NEMP2: variants seen among roughly 807,000 people sequenced by gnomAD.
The protein encoded by NEMP2 is nuclear envelope integral membrane protein 2.
NEMP2 carries 53 observed loss-of-function variants against 54.2 expected under a neutral mutation model. That is an observed-to-expected ratio of 0.98 (90% CI 0.78 to 1.23). The LOEUF is 1.23. NEMP2 is among the 50% of genes most tolerant of loss of function. The pLI is 0.00. For synonymous variants in NEMP2, 197 were observed against 190.3 expected (o/e 1.04, Z -0.29); for missense variants, 455 against 511.3 (o/e 0.89, Z 1.06).
At chr2:190,554,464 G>C in the NEMP2 span, among the ~76,000 whole-genome samples, 1 of 152,204 alleles carries the variant, frequency 6.6e-6, no homozygotes, top group Non-Finnish European at 1.5e-5. The surrounding 1 kb of genome is among the most constrained non-coding windows in gnomAD (Gnocchi z 5.7). Flanking sequence ...CTGGAGCTTG[G>C]TGGAGGGAAG....
the NEMP2 span, among the ~76,000 whole-genome samples, chr2:190,458,501 T>C: frequency 6.6e-6 from 1 of 152,188 alleles, no homozygotes; most frequent in Admixed American, 6.5e-5. This position sits in a 1 kb window ranked among gnomAD's most constrained non-coding sequence, Gnocchi z 5.3. Flanking sequence ...TAAATTTCTG[T>C]TGTTGAAGCC....
the NEMP2 span, among the ~76,000 whole-genome samples, chr2:190,481,977 T>C: frequency 6.6e-6 from 1 of 152,204 alleles, no homozygotes; most frequent in Non-Finnish European, 1.5e-5. Flanking sequence ...GACATGCAGC[T>C]AGATTCTATT....
the NEMP2 span, among the ~76,000 whole-genome samples, chr2:190,487,277 G>T: frequency 6.6e-6 from 1 of 152,188 alleles, no homozygotes; most frequent in Non-Finnish European, 1.5e-5. The surrounding 1 kb of genome is among the most constrained non-coding windows in gnomAD (Gnocchi z 5.5). Context: ...GGAAGCAGAG[G>T]TTGCAGTGAG....
chr2:190,471,985 G>T, the NEMP2 span, among the ~76,000 whole-genome samples: 1 of 152,188 alleles, frequency 6.6e-6, no homozygotes, highest in Admixed American at 6.5e-5. The surrounding 1 kb of genome is among the most constrained non-coding windows in gnomAD (Gnocchi z 4.7). Flanking sequence ...AACAGGGTCT[G>T]GAGTGGACCT....
chr2:190,436,984 A>G, the NEMP2 span: 1 of 1,614,210 alleles, frequency 6.2e-7, no homozygotes, highest in Non-Finnish European at 8.5e-7. The surrounding 1 kb of genome is among the most constrained non-coding windows in gnomAD (Gnocchi z 5.3). Context: ...GTATCTGGGA[A>G]AACACAGAGA....
Position 190,507,837 on chromosome 2 carries a change from G to A in NEMP2, c.*1352C>T, listed in dbSNP as rs1311220726. ...AGGAAAGCAGCAGTGCCAAAATTCT[G>A]TCTATCCTTCGCCCATAACCTTTGT... On this transcript the variant is annotated 3_prime_UTR_variant, in exon 9 of 9. Coordinates refer to ENST00000409150, the MANE Select transcript of NEMP2 (RefSeq NM_001142645.2). The surrounding 1 kb of genome is among the most constrained non-coding windows in gnomAD (Gnocchi z 4.4). The A allele has an allele frequency of 1.3e-5, 2 of 152,092 alleles. No individual in the cohort carries two copies. Among genetic ancestry groups the A allele is most frequent in the Admixed American group, 6.6e-5 (1 of 15,266 alleles). 9.4% of individuals were successfully genotyped at this position (152,092 alleles called of 1,614,324 possible).
At chr2:190,621,646 C>T in the NEMP2 span, among the ~76,000 whole-genome samples, 2 of 151,328 alleles carry the variant, frequency 1.3e-5, no homozygotes, top group Non-Finnish European at 2.9e-5. Context: ...TCAAAATTTA[C>T]TACAAAGCTA....
chr2:190,615,835 A>G, the NEMP2 span, among the ~76,000 whole-genome samples: 5 of 152,106 alleles, frequency 3.3e-5, no homozygotes, highest in African/African-American at 9.7e-5. The surrounding 1 kb of genome is among the most constrained non-coding windows in gnomAD (Gnocchi z 4.7). Context: ...GAGACCAAAT[A>G]TATCTATTTC....
Position 190,525,317 on chromosome 2 carries a change from G to A in NEMP2, c.159C>T (p.Tyr53=). The part of the protein sequence containing the change: ...DLIRTSESDC[Y]CYNQNSQVEW... ...CCACTTGGGAATTTTGATTGTAGCA[G>A]TAACAGTCTGACTCAGACGTTCTAA... The change falls in exon 2 of 9, where the codon TAC becomes TAT. Residue 53 remains tyrosine, a synonymous_variant. Coordinates refer to ENST00000409150, the MANE Select transcript of NEMP2 (RefSeq NM_001142645.2). This position sits in a 1 kb window ranked among gnomAD's most constrained non-coding sequence, Gnocchi z 5.0. The A allele has an allele frequency of 6.4e-7, 1 of 1,550,664 alleles. No homozygotes were observed. Among genetic ancestry groups the A allele is most frequent in the Admixed American group, 2.0e-5 (1 of 50,950 alleles).
In NEMP2 at chr2:190,520,065, C is replaced by CA. The variant is rs1208452515; in HGVS notation, c.214-883dup. ...ATAACTTTTATAGGTACTAGGAAAC[C>CA]AAAAAATTTGTATGACTTGCTTTAT... On this transcript the variant is annotated intron_variant, in intron 2 of 8. Coordinates refer to ENST00000409150, the MANE Select transcript of NEMP2 (RefSeq NM_001142645.2). The surrounding 1 kb of genome is among the most constrained non-coding windows in gnomAD (Gnocchi z 5.4). 3.3e-5 allele frequency among the ~76,000 whole-genome samples: 5 copies of CA among 151,958 alleles called. No individual in the cohort carries two copies. The highest frequency in any genetic ancestry group is 6.6e-5 in the Admixed American group (1 of 15,262).
chr2:190,528,584 A>T lies in NEMP2; in HGVS notation c.98-3206T>A, dbSNP rs1263609862. On this transcript the variant is annotated intron_variant, in intron 1 of 8. Coordinates refer to ENST00000409150, the MANE Select transcript of NEMP2 (RefSeq NM_001142645.2). This position sits in a 1 kb window ranked among gnomAD's most constrained non-coding sequence, Gnocchi z 4.3. ...ACTTCCAGACAGGTCTTTCTTCACC[A>T]CCCATGTGCTCAATGCTAGATGGGC... 6.6e-6 allele frequency among the ~76,000 whole-genome samples: 1 copy of T among 152,088 alleles called. No individual in the cohort carries two copies. The highest frequency in any genetic ancestry group is 1.5e-5 in the Non-Finnish European group (1 of 68,012).
rs529384032 is a variant in NEMP2 at position 190,510,428 on chromosome 2, G to A, written c.1063C>T (p.Arg355Cys). 6.8e-5 allele frequency: 106 copies of A among 1,551,690 alleles called. No homozygotes were observed. The highest frequency in any genetic ancestry group is 2.5e-4 in the Admixed American group (13 of 51,002). ...AAGTCGGGTTTTCGGCAGGCCCGGC[G>A]TAGCTCCTCCAGAGCACTGTTCGTT... Reference protein sequence around the residue: ...AETNSALEELRRACRKPDFPS... With the variant: ...AETNSALEELCRACRKPDFPS... The change falls in exon 8 of 9, where the codon CGC (arginine) becomes TGC (cysteine). Residue 355 changes from arginine to cysteine, a missense_variant. Physicochemically the swap from Arg to Cys is radical, Grantham distance 180. Coordinates refer to ENST00000409150, the MANE Select transcript of NEMP2 (RefSeq NM_001142645.2). This position sits in a 1 kb window ranked among gnomAD's most constrained non-coding sequence, Gnocchi z 5.7.
At chr2:190,550,152 G>A in the NEMP2 span, among the ~76,000 whole-genome samples, 1 of 152,098 alleles carries the variant, frequency 6.6e-6, no homozygotes, top group African/African-American at 2.4e-5. This position sits in a 1 kb window ranked among gnomAD's most constrained non-coding sequence, Gnocchi z 4.7. Context: ...TCTGTTTGGG[G>A]TGCTATAACA....
At chr2:190,566,927 A>T in the NEMP2 span, among the ~76,000 whole-genome samples, 1 of 152,142 alleles carries the variant, frequency 6.6e-6, no homozygotes, top group Admixed American at 6.5e-5. Context: ...TCAGCTTTTG[A>T]GTGCTCTATT....
At chr2:190,564,329 T>C in the NEMP2 span, among the ~76,000 whole-genome samples, 1 of 152,212 alleles carries the variant, frequency 6.6e-6, no homozygotes, top group Non-Finnish European at 1.5e-5. The surrounding 1 kb of genome is among the most constrained non-coding windows in gnomAD (Gnocchi z 4.2). Context: ...TGTAGCACAG[T>C]GCCTGACATG....
the NEMP2 span, among the ~76,000 whole-genome samples, chr2:190,603,067 A>G: frequency 1.6e-4 from 24 of 152,174 alleles, no homozygotes; most frequent in Admixed American, 1.6e-3. Flanking sequence ...AGGAAAATTT[A>G]GTTTTTCTCA....
chr2:190,624,923 T>G, the NEMP2 span: 1 of 152,224 alleles, frequency 6.6e-6, no homozygotes, highest in Non-Finnish European at 1.5e-5. Context: ...TCACATCCAT[T>G]AAATCATCTA....
the NEMP2 span, among the ~76,000 whole-genome samples, chr2:190,554,999 G>A: frequency 6.6e-6 from 1 of 152,194 alleles, no homozygotes. This position sits in a 1 kb window ranked among gnomAD's most constrained non-coding sequence, Gnocchi z 5.7. Flanking sequence ...GCCTCTGCTG[G>A]TGATACCCAG....
chr2:190,525,428 A>G lies in NEMP2; in HGVS notation c.98-50T>C. ...TTTTCTAACTGTTTAATTGCCCAGAATCTTTTTTAAAAAAAGTTTGCAGGG... is the reference window on the plus strand; with the variant it reads ...TTTTCTAACTGTTTAATTGCCCAGAGTCTTTTTTAAAAAAAGTTTGCAGGG... On this transcript the variant is annotated intron_variant, in intron 1 of 8. Transcript: ENST00000409150. The surrounding 1 kb of genome is among the most constrained non-coding windows in gnomAD (Gnocchi z 5.0). The G allele has an allele frequency of 8.8e-7, 1 of 1,142,386 alleles. No homozygotes were observed. Among genetic ancestry groups the G allele is most frequent in the Non-Finnish European group, 1.2e-6 (1 of 803,430 alleles). The allele number at this position is 1,142,386 out of a possible 1,614,324, so 70.8% of individuals were successfully genotyped here. A position where few individuals can be genotyped will look rare whatever the true frequency, so the allele number is the denominator to read the frequency against.
Sources: allele counts gnomAD v4.1 joint callset (sites outside exome capture counted in the v4.1 genomes callset), GRCh38; gene constraint gnomAD v4.1.1; non-coding constraint Gnocchi (gnomAD v3.1); transcripts MANE v1.5; gene names NCBI Gene and HGNC (gene_info 2026-07-23, HGNC 2026-07-21).